Variants in LRIG1 observed in about 807,000 individuals in gnomAD.
LRIG1 encodes leucine-rich repeats and immunoglobulin-like domains protein 1.
In LRIG1, 48 loss-of-function variants were observed where a neutral mutation model predicts 99.2. The observed-to-expected ratio is 0.48, with a 90% CI of 0.38 to 0.62. The LOEUF (loss-of-function observed/expected upper bound fraction) is 0.62. Among genes scored for constraint, LRIG1 ranks in the 20% least tolerant of loss-of-function variants. The pLI is 0.00. For missense variants in LRIG1, 1,646 were observed against 1,434.4 expected (o/e 1.15, Z -2.38); for synonymous variants, 772 against 596.1 (o/e 1.29, Z -4.30).
intron 15 of LRIG1, 103 bp from the exon 16 acceptor site, chr3:66,382,501 C>T (rs1480013452): frequency 7.4e-7 from 1 of 1,342,402 alleles, no homozygotes; most frequent in Admixed American, 1.7e-5. Context: ...CAGTGACGAC[C>T]ATCAGCGCTG....
intron 3 of LRIG1, among the ~76,000 whole-genome samples, chr3:66,418,510 G>C (rs1299326823): frequency 6.6e-6 from 1 of 152,206 alleles, no homozygotes; most frequent in Non-Finnish European, 1.5e-5. Flanking sequence ...CCTGTTGTGG[G>C]TTTGGCGCCG....
intron 3 of LRIG1, among the ~76,000 whole-genome samples, chr3:66,422,556 G>A (rs373025174): frequency 6.6e-6 from 1 of 152,222 alleles, no homozygotes; most frequent in African/African-American, 2.4e-5. Flanking sequence ...CCTCAGCCTG[G>A]ACATTATTGT....
At chr3:66,451,922 G>C (rs1703915420) in intron 2 of LRIG1, among the ~76,000 whole-genome samples, 1 of 152,212 alleles carries the variant, frequency 6.6e-6, no homozygotes, top group Non-Finnish European at 1.5e-5. Context: ...ACAAGGAACA[G>C]TGAGAACAAG....
rs1444463125 is a variant in LRIG1, at chr3:66,488,475, A to AAC, written c.218+11714_218+11715insGT. ...AACCCTGTCTCTACTAAAAAAAAAC[A>AAC]AAAAAAAAAAAATTAGCCTGGCTTG... On this transcript the variant is annotated intron_variant, in intron 1 of 18. Transcript: ENST00000273261. 5.3e-5 allele frequency among the ~76,000 whole-genome samples: 5 copies of AAC among 94,722 alleles called. No individual in the cohort carries two copies. The East Asian group carries it at 7.3e-4, about 14-fold the overall frequency. 62.1% of individuals were successfully genotyped at this position (94,722 alleles called of 152,430 possible). A position where few individuals can be genotyped will look rare whatever the true frequency, so the allele number is the denominator to read the frequency against.
At chr3:66,387,102 C>A (rs1389050884) in intron 12 of LRIG1, 1 of 149,000 alleles carries the variant, frequency 6.7e-6, no homozygotes, top group African/African-American at 2.5e-5. Context: ...GAAGCCCTAG[C>A]CCCAGGGCAC....
At chr3:66,474,028 C>T (rs1051834728) in intron 1 of LRIG1, among the ~76,000 whole-genome samples, 1 of 152,174 alleles carries the variant, frequency 6.6e-6, no homozygotes. Flanking sequence ...GATGATTTCC[C>T]TGGTTCTGGT....
At chr3:66,385,560 C>G (rs1701332195) in intron 13 of LRIG1, among the ~76,000 whole-genome samples, 1 of 152,210 alleles carries the variant, frequency 6.6e-6, no homozygotes, top group East Asian at 1.9e-4. Flanking sequence ...TCAAGCAATT[C>G]TTGTGCCTCA....
intron 3 of LRIG1, among the ~76,000 whole-genome samples, chr3:66,442,507 T>C (rs918886743): frequency 6.6e-5 from 10 of 151,616 alleles, no homozygotes; most frequent in Admixed American, 6.6e-4. Context: ...ACTGTTGATA[T>C]GGGCTGGAGC....
At chr3:66,468,055 G>A (rs1238389472) in intron 1 of LRIG1, among the ~76,000 whole-genome samples, 1 of 152,206 alleles carries the variant, frequency 6.6e-6, no homozygotes, top group African/African-American at 2.4e-5. Flanking sequence ...ACTGCCCTCA[G>A]AGTATAATTC....
intron 1 of LRIG1, among the ~76,000 whole-genome samples, chr3:66,470,793 C>A (rs940435846): frequency 1.3e-5 from 2 of 152,128 alleles, no homozygotes; most frequent in African/African-American, 4.8e-5. Flanking sequence ...CTATACTACC[C>A]CTTAAAATGG....
chr3:66,402,638 A>C (rs1702103551), intron 9 of LRIG1, among the ~76,000 whole-genome samples: 1 of 152,156 alleles, frequency 6.6e-6, no homozygotes, highest in South Asian at 2.1e-4. Flanking sequence ...CCTGAACACA[A>C]GCTCCTTGAG....
chr3:66,406,146 G>C, intron 8 of LRIG1: 2 of 985,516 alleles, frequency 2.0e-6, no homozygotes, highest in South Asian at 9.4e-5. Flanking sequence ...CAGCAGAGAG[G>C]GCAGCTCTGA....
chr3:66,399,114 AAG>A, intron 9 of LRIG1, 73 bp from the exon 10 acceptor site: 1 of 1,239,920 alleles, frequency 8.1e-7, no homozygotes, highest in Middle Eastern at 1.9e-4. Flanking sequence ...GAGAAAGAAA[AAG>A]AAAAAGAAAA....
At position 66,382,979 on chromosome 3, in the gene LRIG1, G is replaced by C; in HGVS notation, c.2491+3C>G. On this transcript the variant is annotated splice_donor_region_variant and intron_variant, in intron 15 of 18. Transcript: ENST00000273261. ...AAAGTCAGCTCCGCTGGCAGGGCCT[G>C]ACCTGTGTTGGTGACACTGTACTCT... 3 of 1,599,326 alleles carry C rather than the reference G, an allele frequency of 1.9e-6. No individual in the cohort carries two copies. The highest frequency in any genetic ancestry group is 2.6e-6 in the Non-Finnish European group (3 of 1,169,148).
intron 7 of LRIG1, among the ~76,000 whole-genome samples, chr3:66,409,542 C>A (rs531680168): frequency 3.3e-5 from 5 of 152,334 alleles, no homozygotes; most frequent in South Asian, 4.1e-4. Flanking sequence ...GAACTAAGCA[C>A]GCACACGACT....
chr3:66,465,396 C>T (rs1700451458), intron 1 of LRIG1, among the ~76,000 whole-genome samples: 1 of 115,390 alleles, frequency 8.7e-6, no homozygotes, highest in African/African-American at 3.4e-5. Context: ...ACGAGTCTTG[C>T]TCTGTCGCCC....
Position 66,381,619 on chromosome 3 carries a change from C to T in LRIG1, c.2630G>A (p.Arg877Lys), listed in dbSNP as rs372686804. ...GGGCTCTGGAAAGTGGCTTGCATCT[C>T]TTGGACACACACCTGCAAGTGGATT... ...GHIESNGVCP[R>K]DASHFPEPDT... is the part of the protein sequence containing the mutation. Residue 877 changes from arginine to lysine, a missense_variant, in exon 17 of 19, where the codon AGA becomes AAA. Arg to Lys is a conservative substitution (Grantham distance 26). Coordinates refer to ENST00000273261, the MANE Select transcript of LRIG1 (RefSeq NM_015541.3). The T allele has an allele frequency of 1.5e-4, 247 of 1,613,536 alleles. No individual in the cohort carries two copies. Among genetic ancestry groups the T allele is most frequent in the Non-Finnish European group, 1.9e-4 (224 of 1,179,610 alleles).
At chr3:66,455,505 A>G (rs1462298376) in intron 2 of LRIG1, among the ~76,000 whole-genome samples, 1 of 152,168 alleles carries the variant, frequency 6.6e-6, no homozygotes, top group African/African-American at 2.4e-5. Context: ...GGTCTCCACT[A>G]TTCGTTTAAC....
intron 4 of LRIG1, 44 bp downstream of exon 4, chr3:66,417,085 G>A (rs1369920698): frequency 1.9e-6 from 3 of 1,602,750 alleles, no homozygotes; most frequent in African/African-American, 1.3e-5. Context: ...TTAGCTGGCT[G>A]GACACAGCGG....
Sources: allele counts gnomAD v4.1 joint callset (sites outside exome capture counted in the v4.1 genomes callset), GRCh38; gene constraint gnomAD v4.1.1; transcripts MANE v1.5; gene names NCBI Gene and HGNC (gene_info 2026-07-23, HGNC 2026-07-21).